The following TARS3 variants were observed in gnomAD, a reference collection of about 807,000 sequenced individuals.
TARS3 encodes threonine--tRNA ligase 2, cytoplasmic.
In TARS3, 94 loss-of-function variants were observed where a neutral mutation model predicts 103.5. That is an observed-to-expected ratio of 0.91 (90% CI 0.77 to 1.08). The LOEUF is 1.08. Ranked by LOEUF, TARS3 falls within the 50% of genes least tolerant of loss-of-function variation. The pLI is 0.00. For synonymous variants in TARS3, 416 were observed against 355.4 expected (o/e 1.17, Z -1.92); for missense variants, 952 against 995.2 (o/e 0.96, Z 0.58).
chr15:101,674,704 G>A (rs994788489), intron 13 of TARS3, among the ~76,000 whole-genome samples: 26 of 151,962 alleles, frequency 1.7e-4, no homozygotes, highest in East Asian at 1.9e-4. Flanking sequence ...TACTCGGGAC[G>A]CTGAGGAGGA....
At chr15:101,719,195 T>G (rs966558383) in intron 3 of TARS3, among the ~76,000 whole-genome samples, 2 of 152,122 alleles carry the variant, frequency 1.3e-5, no homozygotes, top group Non-Finnish European at 2.9e-5. Flanking sequence ...TCTATACCAC[T>G]CCCTGCTATA....
Position 101,724,133 on chromosome 15 carries a change from C to A in TARS3, c.255G>T (p.Leu85=), listed in dbSNP as rs775867238. The change falls in exon 1 of 19, where the codon CTG becomes CTT. Residue 85 remains leucine, a synonymous_variant. Coordinates refer to ENST00000335968, the MANE Select transcript of TARS3 (RefSeq NM_152334.3). The part of the protein sequence containing the change: ...LAEERSRQAT[L]ESAELEAAQE... ...GCGCCGCCTCTAGCTCCGCGCTCTC[C>A]AGCGTGGCCTGGCGGCTCCGCTCCT... is the stretch of plus-strand genomic sequence containing the variant. 3 of 1,437,470 alleles carry A rather than the reference C, an allele frequency of 2.1e-6. 1 individual carries two copies. In the South Asian group the frequency reaches 4.2e-5, roughly 20 times the overall value. The allele number at this position is 1,437,470 out of a possible 1,614,324, so 89.0% of individuals were successfully genotyped here. A position where few individuals can be genotyped will look rare whatever the true frequency, so the allele number is the denominator to read the frequency against.
At chr15:101,679,686 G>A (rs1042279032) in intron 12 of TARS3, among the ~76,000 whole-genome samples, 4 of 152,130 alleles carry the variant, frequency 2.6e-5, no homozygotes, top group African/African-American at 9.7e-5. Flanking sequence ...AGCATGATGA[G>A]TGATTTTCAA....
intron 3 of TARS3, among the ~76,000 whole-genome samples, chr15:101,720,524 T>G (rs1416362246): frequency 1.3e-5 from 2 of 152,192 alleles, no homozygotes; most frequent in African/African-American, 4.8e-5. Context: ...GAATTACAGA[T>G]TTTTTTCTCT....
intron 1 of TARS3, among the ~76,000 whole-genome samples, chr15:101,723,660 G>A (rs1030640975): frequency 6.6e-6 from 1 of 151,946 alleles, no homozygotes; most frequent in African/African-American, 2.4e-5. Flanking sequence ...ACCAAAACAA[G>A]AGCACAAAAA....
rs28570483 is a variant in TARS3, at chr15:101,699,676, C to T, written c.1320+1410G>A. Among the ~76,000 whole-genome samples the T allele has an allele frequency of 5.4e-3, 824 of 152,262 alleles. 4 individuals carry two copies. The highest frequency in any genetic ancestry group is 0.018 in the African/African-American group (740 of 41,550). On this transcript the variant is annotated intron_variant, in intron 10 of 18. Transcript: ENST00000335968. ...GCCCTCTGATCTCCTACCATTGCCT[C>T]GCATTGGCCAGTCCCTACTGGAAGA...
intron 18 of TARS3, chr15:101,655,874 G>C: frequency 7.8e-7 from 1 of 1,285,916 alleles, no homozygotes; most frequent in African/African-American, 1.5e-5. Flanking sequence ...TACCTGATGA[G>C]CCAAGGAGTG....
Position 101,724,222 on chromosome 15 carries a change from G to T in TARS3, c.166C>A (p.Gln56Lys). Residue 56 changes from glutamine to lysine, a missense_variant, in exon 1 of 19, where the codon CAG becomes AAG. This residue lies in a region of TARS3 where 412 missense variants were observed against 364.2 expected (regional missense o/e 1.13). Coordinates refer to ENST00000335968, the MANE Select transcript of TARS3 (RefSeq NM_152334.3). ...EGPCLTREVA[Q>K]LRAENCDLRH... ...AGGTCGCAGTTCTCGGCCCGGAGCT[G>T]CGCCACCTCCCGCGTGAGGCACGGC... 1 of 1,541,572 alleles carries T rather than the reference G, an allele frequency of 6.5e-7. No homozygotes were observed. Among genetic ancestry groups the T allele is most frequent in the Admixed American group, 1.9e-5 (1 of 52,180 alleles).
chr15:101,704,466 A>T (rs1312766201), intron 7 of TARS3, among the ~76,000 whole-genome samples: 3 of 152,126 alleles, frequency 2.0e-5, no homozygotes, highest in African/African-American at 7.2e-5. Flanking sequence ...CAGCCTCGCC[A>T]ACATAGTGAA....
At chr15:101,697,062 T>G (rs2141422668) in intron 10 of TARS3, among the ~76,000 whole-genome samples, 1 of 152,308 alleles carries the variant, frequency 6.6e-6, no homozygotes, top group East Asian at 1.9e-4. Context: ...TAGCTCTTCT[T>G]ATAACCTGTT....
chr15:101,682,988 T>C (rs1480319034), intron 12 of TARS3, among the ~76,000 whole-genome samples: 2 of 152,214 alleles, frequency 1.3e-5, no homozygotes, highest in Non-Finnish European at 2.9e-5. Context: ...ATCTGTCTCA[T>C]TCCTGACATT....
At chr15:101,673,458 C>G (rs940045488) in intron 13 of TARS3, among the ~76,000 whole-genome samples, 1 of 152,338 alleles carries the variant, frequency 6.6e-6, no homozygotes, top group African/African-American at 2.4e-5. Context: ...GTTCACCATA[C>G]CCTCAGGAAG....
chr15:101,664,737 G>C (rs185972310), intron 15 of TARS3, among the ~76,000 whole-genome samples: 4 of 152,136 alleles, frequency 2.6e-5, no homozygotes, highest in African/African-American at 9.7e-5. Flanking sequence ...CTTAGCATAT[G>C]AATCATTAGG....
intron 3 of TARS3, among the ~76,000 whole-genome samples, chr15:101,719,916 G>C (rs921090936): frequency 2.0e-5 from 3 of 150,994 alleles, no homozygotes; most frequent in African/African-American, 7.4e-5. Flanking sequence ...GATCAATTCA[G>C]GGGGTTTGAG....
intron 10 of TARS3, among the ~76,000 whole-genome samples, chr15:101,693,745 T>G (rs1181282739): frequency 1.3e-5 from 2 of 152,128 alleles, no homozygotes; most frequent in Non-Finnish European, 2.9e-5. Context: ...CTGGGGACAC[T>G]CAACTCGGAT....
chr15:101,714,872 G>A lies in TARS3; in HGVS notation c.658C>T (p.Leu220=). 2 of 1,612,658 alleles carry A rather than the reference G, an allele frequency of 1.2e-6. No individual in the cohort carries two copies. The highest frequency in any genetic ancestry group is 1.7e-6 in the Non-Finnish European group (2 of 1,179,236). ...GCTTCCTCATTATCAAATGTAAGCAGCTCTAGAGAAGAGTCCCCTTCCAAT... is the reference window on the plus strand; with the variant it reads ...GCTTCCTCATTATCAAATGTAAGCAACTCTAGAGAAGAGTCCCCTTCCAAT... ...RPLEGDSSLE[L]LTFDNEEAQA... is the part of the protein sequence containing the mutation. The change falls in exon 4 of 19, where the codon CTG becomes TTG. Residue 220 remains leucine (L), a synonymous_variant. Transcript: ENST00000335968.
intron 4 of TARS3, 75 bp from the exon 5 acceptor site, chr15:101,712,076 C>T (rs909170596): frequency 3.4e-6 from 5 of 1,492,438 alleles, no homozygotes; most frequent in Non-Finnish European, 4.5e-6. Context: ...ATGATGTAAA[C>T]CAGTAGAAAA....
chr15:101,673,597 T>TTA (rs1897904756), intron 13 of TARS3, among the ~76,000 whole-genome samples: 1 of 152,196 alleles, frequency 6.6e-6, no homozygotes, highest in Non-Finnish European at 1.5e-5. Flanking sequence ...CTTTCAGACT[T>TTA]TAAAGTCTGG....
chr15:101,682,728 T>C lies in TARS3; in HGVS notation c.1650+1347A>G, dbSNP rs145550142. Among the ~76,000 whole-genome samples, 1,016 of 152,310 alleles carry C rather than the reference T, an allele frequency of 6.7e-3. 13 individuals are homozygous for C. Among genetic ancestry groups the C allele is most frequent in the African/African-American group, 0.021 (873 of 41,574 alleles). On this transcript the variant is annotated intron_variant, in intron 12 of 18. Transcript: ENST00000335968. ...TAGATTGGTATTATTCCTTCTTTAA[T>C]GTTTGGTAGAATTCACCAGTAAAAC...
Sources: allele counts gnomAD v4.1 joint callset (sites outside exome capture counted in the v4.1 genomes callset), GRCh38; gene constraint gnomAD v4.1.1; regional missense constraint gnomAD v4.1.1; transcripts MANE v1.5; gene names NCBI Gene and HGNC (gene_info 2026-07-23, HGNC 2026-07-21).